PCDHA7: variants seen among roughly 807,000 people sequenced by gnomAD.
PCDHA7 encodes the protein protocadherin alpha 7.
In PCDHA7, 37 loss-of-function variants were observed where a neutral mutation model predicts 57.2. The observed-to-expected ratio is 0.65, with a 90% CI of 0.50 to 0.85. The LOEUF (loss-of-function observed/expected upper bound fraction) is 0.85. Ranked by LOEUF, PCDHA7 falls within the 40% of genes least tolerant of loss-of-function variation. The probability of loss-of-function intolerance (pLI) is 0.00; values close to 1 mark genes in which losing one functional copy is unlikely to be tolerated. For synonymous variants in PCDHA7, 553 were observed against 558.8 expected (o/e 0.99, Z 0.15); for missense variants, 1,188 against 1,241.8 (o/e 0.96, Z 0.65).
At chr5:140,878,225 A>G (rs1554170330) in intron 1 of PCDHA7, 1 of 156,262 alleles carries the variant, frequency 6.4e-6, no homozygotes, top group Non-Finnish European at 1.4e-5. Context: ...CCTAGATCCC[A>G]TTAATGGATT....
At chr5:140,836,796 C>T (rs2150270125) in intron 1 of PCDHA7, 58 bp downstream of exon 1, 1 of 1,377,882 alleles carries the variant, frequency 7.3e-7, no homozygotes, top group Admixed American at 2.4e-5. Flanking sequence ...CAATTGGTCT[C>T]CTTAAATTTT....
chr5:140,934,262 TAATC>T (rs1554209807), intron 1 of PCDHA7, among the ~76,000 whole-genome samples: 1 of 152,136 alleles, frequency 6.6e-6, no homozygotes, highest in Non-Finnish European at 1.5e-5. Flanking sequence ...AAATTAATAA[TAATC>T]AGTGCTTCAT....
At chr5:140,895,922 T>G (rs1301725770) in intron 1 of PCDHA7, among the ~76,000 whole-genome samples, 1 of 152,190 alleles carries the variant, frequency 6.6e-6, no homozygotes, top group African/African-American at 2.4e-5. Context: ...ACAATTATCC[T>G]GCCTCAGCCT....
Position 140,834,524 on chromosome 5 carries a change from C to G in PCDHA7, c.141C>G (p.Arg47=). 6.2e-7 allele frequency: 1 copy of G among 1,614,088 alleles called. No individual in the cohort carries two copies. Among genetic ancestry groups the G allele is most frequent in the African/African-American group, 1.3e-5 (1 of 75,070 alleles). Residue 47 remains arginine, a synonymous_variant, in exon 1 of 4, where the codon CGC becomes CGG. Transcript: ENST00000525929. ...CTAAACATGGCAACTTCGTGGGCCG[C>G]ATCGCGCAGGACCTGGGGCTGGAGC... ...EEAKHGNFVG[R]IAQDLGLELA... is the part of the protein sequence containing the mutation.
intron 1 of PCDHA7, chr5:140,881,399 T>C (rs2058702396): frequency 1.0e-6 from 1 of 975,460 alleles, no homozygotes; most frequent in Non-Finnish European, 1.2e-6. Flanking sequence ...TTAAATTCTA[T>C]TAAATCAATA....
At chr5:140,868,379 T>A (rs1554161939) in intron 1 of PCDHA7, 7 of 152,204 alleles carry the variant, frequency 4.6e-5, no homozygotes, top group African/African-American at 2.4e-5. Flanking sequence ...CAGTAAAGAA[T>A]GAGAACTATA....
Position 140,912,120 on chromosome 5 carries a change from G to A in PCDHA7, c.2356-66829G>A, listed in dbSNP as rs371645551. On this transcript the variant is annotated intron_variant, in intron 1 of 3. Transcript: ENST00000525929. ...AGAAAGATGTAGGCTGGGAGGCTAA[G>A]TCAGTCTAATCTCTCCATGTTCTTC... Among the ~76,000 whole-genome samples the A allele has an allele frequency of 1.7e-4, 26 of 152,328 alleles. 3 individuals are homozygous for A. In the East Asian group the frequency reaches 1.9e-3, roughly 11 times the overall value.
chr5:140,869,613 CA>C (rs782134760), intron 1 of PCDHA7: 1 of 1,613,944 alleles, frequency 6.2e-7, no homozygotes. Flanking sequence ...TATTGACCTA[CA>C]GGCTAAGTAA....
chr5:140,931,314 A>G (rs782684940), intron 1 of PCDHA7, among the ~76,000 whole-genome samples: 3 of 152,176 alleles, frequency 2.0e-5, no homozygotes, highest in Non-Finnish European at 4.4e-5. Context: ...GGAGAATACC[A>G]GTAATGGCTG....
At chr5:140,876,394 C>T in intron 1 of PCDHA7, 1 of 1,613,826 alleles carries the variant, frequency 6.2e-7, no homozygotes, top group Non-Finnish European at 8.5e-7. Flanking sequence ...TTATGGTGAA[C>T]TGGATTTTGA....
In PCDHA7 at chr5:140,937,639, A is replaced by G. The variant is rs140444916; in HGVS notation, c.2356-41310A>G. On this transcript the variant is annotated intron_variant, in intron 1 of 3. Transcript: ENST00000525929. ...CTAAAAAGAAAAAGAAAGGCAGGGC[A>G]TGGTGGCTCACGCCTGTAATCCCAG... is the stretch of plus-strand genomic sequence containing the variant. 9.3e-5 allele frequency among the ~76,000 whole-genome samples: 14 copies of G among 151,094 alleles called. No individual in the cohort carries two copies. In the East Asian group the frequency reaches 1.8e-3, roughly 20 times the overall value.
intron 1 of PCDHA7, chr5:140,966,338 A>C (rs2095992774): frequency 2.5e-6 from 1 of 394,586 alleles, no homozygotes; most frequent in Non-Finnish European, 4.5e-6. Flanking sequence ...CGGCAGGTCC[A>C]GGGTGAAGGA....
At chr5:140,856,701 AAC>A (rs2150363820) in intron 1 of PCDHA7, 1 of 1,597,018 alleles carries the variant, frequency 6.3e-7, no homozygotes, top group East Asian at 2.2e-5. Context: ...GATGGAGGCA[AAC>A]CTGAATTTAC....
intron 1 of PCDHA7, chr5:140,842,695 C>A (rs1554139285): frequency 6.3e-7 from 1 of 1,595,194 alleles, no homozygotes. Context: ...TCGCGCAGCC[C>A]GAGTACACGG....
intron 1 of PCDHA7, chr5:140,856,146 C>T: frequency 6.3e-7 from 1 of 1,598,308 alleles, no homozygotes; most frequent in Middle Eastern, 1.7e-4. Flanking sequence ...CTCCACTACT[C>T]AGTCTACGAG....
At chr5:140,988,761 A>G (rs1320753301) in intron 3 of PCDHA7, among the ~76,000 whole-genome samples, 1 of 152,218 alleles carries the variant, frequency 6.6e-6, no homozygotes, top group Non-Finnish European at 1.5e-5. Context: ...TGGGCAGAAT[A>G]CAGTCATGGT....
chr5:140,866,320 C>T (rs1351694984), intron 1 of PCDHA7: 2 of 152,154 alleles, frequency 1.3e-5, no homozygotes, highest in African/African-American at 2.4e-5. Context: ...ATTTCAGGGA[C>T]CCTGAACTTG....
intron 1 of PCDHA7, chr5:140,860,593 T>C (rs782239381): frequency 6.6e-6 from 1 of 152,050 alleles, no homozygotes. Flanking sequence ...GGAAAGGAGT[T>C]GGAAGCTCAC....
At position 140,863,735 on chromosome 5, in the gene PCDHA7, C is replaced by T. The variant is rs189909313; in HGVS notation, c.2355+26997C>T. On this transcript the variant is annotated intron_variant, in intron 1 of 3. Transcript: ENST00000525929. ...TGGGGCCGGGTGCGGTAGCTCATGC[C>T]TATTTGTAATCCCGGCACTTTGGGA... The T allele has an allele frequency of 4.8e-3, 1,219 of 255,524 alleles. 5 individuals are homozygous for T. Among genetic ancestry groups the T allele is most frequent in the Non-Finnish European group, 6.2e-3 (808 of 129,746 alleles). The allele number at this position is 255,524 out of a possible 1,614,324, so 15.8% of individuals were successfully genotyped here. A position where few individuals can be genotyped will look rare whatever the true frequency, so the allele number is the denominator to read the frequency against.
Sources: gnomAD v4.1 joint callset for allele counts (sites outside exome capture counted in the v4.1 genomes callset) on GRCh38, gnomAD v4.1.1 for gene constraint, MANE v1.5 for transcripts, NCBI Gene and HGNC (gene_info 2026-07-23, HGNC 2026-07-21) for gene names.